The following USP34 variants were observed in gnomAD, a reference collection of about 807,000 sequenced individuals.
The protein encoded by USP34 is ubiquitin carboxyl-terminal hydrolase 34.
USP34 carries 70 observed loss-of-function variants against 460.3 expected under a neutral mutation model. That is an observed-to-expected ratio of 0.15 (90% CI 0.13 to 0.19). USP34 has a LOEUF of 0.19. USP34 is among the 10% of genes least tolerant of loss of function. The pLI, the probability that USP34 is intolerant of heterozygous loss-of-function variation, is 1.00. For synonymous variants in USP34, 1,647 were observed against 1,405.3 expected (o/e 1.17, Z -3.85); for missense variants, 3,985 against 4,236.2 (o/e 0.94, Z 1.65).
chr2:61,266,178 A>T lies in USP34; in HGVS notation c.5434-11T>A. ...ATCTCTCAAAAATTCCTGGGGAGTA[A>T]AAGGAAACATGTTATCTAAACTGAG... On this transcript the variant is annotated splice_polypyrimidine_tract_variant and intron_variant, in intron 41 of 79. Transcript: ENST00000398571. 1 of 1,602,264 alleles carries T rather than the reference A, an allele frequency of 6.2e-7. No homozygotes were observed. The highest frequency in any genetic ancestry group is 8.5e-7 in the Non-Finnish European group (1 of 1,170,934).
At chr2:61,284,384 C>T (rs965723258) in intron 35 of USP34, among the ~76,000 whole-genome samples, 1 of 152,066 alleles carries the variant, frequency 6.6e-6, no homozygotes, top group Non-Finnish European at 1.5e-5. Context: ...GAGAGAAAGG[C>T]TGAGAAAGTT....
chr2:61,209,086 T>C (rs1056410905), intron 69 of USP34, 109 bp from the exon 70 acceptor site: 2 of 553,692 alleles, frequency 3.6e-6, no homozygotes, highest in Admixed American at 3.6e-5. Flanking sequence ...TCTGCTTTCC[T>C]ACCTACAGAA....
intron 16 of USP34, 90 bp downstream of exon 16, chr2:61,343,725 A>C (rs1419813966): frequency 7.3e-7 from 1 of 1,366,140 alleles, no homozygotes; most frequent in Non-Finnish European, 1.0e-6. Context: ...TAAGTACCAT[A>C]ACCTTAACTA....
intron 48 of USP34, among the ~76,000 whole-genome samples, chr2:61,255,542 A>C (rs1289674369): frequency 6.6e-6 from 1 of 152,256 alleles, no homozygotes; most frequent in Non-Finnish European, 1.5e-5. Context: ...GGATAATAAC[A>C]GCATCTATTG....
At chr2:61,290,672 C>G (rs1187865252) in intron 33 of USP34, among the ~76,000 whole-genome samples, 1 of 151,840 alleles carries the variant, frequency 6.6e-6, no homozygotes, top group Non-Finnish European at 1.5e-5. Flanking sequence ...GACGGAACTT[C>G]TTAAGTAATG....
chr2:61,363,711 T>C (rs924766181), intron 10 of USP34, among the ~76,000 whole-genome samples: 2 of 152,174 alleles, frequency 1.3e-5, no homozygotes, highest in African/African-American at 2.4e-5. Context: ...TGACTGTATA[T>C]ACAAAATAAC....
At chr2:61,346,026 A>C (rs767585597) in intron 15 of USP34, among the ~76,000 whole-genome samples, 2 of 152,232 alleles carry the variant, frequency 1.3e-5, no homozygotes, top group African/African-American at 2.4e-5. Context: ...ATAACCAAAA[A>C]GTTTTATGCT....
Position 61,338,787 on chromosome 2 carries a change from A to T in USP34, c.2744+564T>A, listed in dbSNP as rs188527903. ...AATTCAAACAAGAGAAAAAAACACTAATCTGTTTAAAAACAAAAACCAAAA... is the reference window on the plus strand; with the variant it reads ...AATTCAAACAAGAGAAAAAAACACTTATCTGTTTAAAAACAAAAACCAAAA... On this transcript the variant is annotated intron_variant, in intron 18 of 79. Coordinates refer to ENST00000398571, the MANE Select transcript of USP34 (RefSeq NM_014709.4). Among the ~76,000 whole-genome samples, 391 of 152,322 alleles carry T rather than the reference A, an allele frequency of 2.6e-3. 2 individuals are homozygous for T. The highest frequency in any genetic ancestry group is 2.6e-3 in the Non-Finnish European group (176 of 68,020).
chr2:61,451,913 C>CA (rs1320860636), intron 1 of USP34, among the ~76,000 whole-genome samples: 6 of 152,240 alleles, frequency 3.9e-5, no homozygotes, highest in African/African-American at 1.4e-4. Flanking sequence ...CAGTGGCTCA[C>CA]GCCTGGAATC....
chr2:61,391,350 A>G (rs1693339277), intron 5 of USP34, among the ~76,000 whole-genome samples: 1 of 152,114 alleles, frequency 6.6e-6, no homozygotes, highest in South Asian at 2.1e-4. Flanking sequence ...GGAGGAAATC[A>G]TACTAGAAAA....
At chr2:61,303,462 G>T (rs538655081) in intron 27 of USP34, among the ~76,000 whole-genome samples, 1 of 152,104 alleles carries the variant, frequency 6.6e-6, no homozygotes, top group East Asian at 1.9e-4. Flanking sequence ...ATCTAATAGC[G>T]ATACCATTTT....
At chr2:61,387,708 AAT>A (rs980275205) in intron 5 of USP34, among the ~76,000 whole-genome samples, 6 of 147,968 alleles carry the variant, frequency 4.1e-5, no homozygotes, top group East Asian at 3.9e-4. Context: ...CACATGTAAA[AAT>A]ATATTTTTAC....
intron 18 of USP34, among the ~76,000 whole-genome samples, chr2:61,337,262 T>C (rs1691450546): frequency 6.6e-6 from 1 of 152,174 alleles, no homozygotes; most frequent in African/African-American, 2.4e-5. Context: ...AGATACATAA[T>C]GTTTTTGTGT....
chr2:61,416,623 T>C (rs1035233841), intron 2 of USP34, among the ~76,000 whole-genome samples: 1 of 152,226 alleles, frequency 6.6e-6, no homozygotes, highest in Non-Finnish European at 1.5e-5. Context: ...GTATCGGTGC[T>C]TGTCATACAT....
At chr2:61,443,786 C>T (rs940525408) in intron 1 of USP34, among the ~76,000 whole-genome samples, 5 of 152,076 alleles carry the variant, frequency 3.3e-5, no homozygotes, top group Admixed American at 3.3e-4. Flanking sequence ...AACAGTGAAC[C>T]CTAATGTGGA....
intron 48 of USP34, among the ~76,000 whole-genome samples, chr2:61,254,852 TTTTTTTC>T (rs1339728502): frequency 6.6e-6 from 1 of 152,184 alleles, no homozygotes; most frequent in Non-Finnish European, 1.5e-5. Context: ...GTATAGCATT[TTTTTTTC>T]TTTTTTGAGA....
At chr2:61,206,662 C>G in intron 71 of USP34, 98 bp downstream of exon 71, 1 of 1,455,424 alleles carries the variant, frequency 6.9e-7, no homozygotes, top group Non-Finnish European at 9.2e-7. Flanking sequence ...TGTGCATAAA[C>G]TAGGATAAAA....
rs140568592 is a variant in USP34 at position 61,293,556 on chromosome 2, G to A, written c.4462-6C>T. The A allele has an allele frequency of 1.6e-5, 26 of 1,609,244 alleles. No individual in the cohort carries two copies. The East Asian group carries it at 5.6e-4, about 35-fold the overall frequency. On this transcript the variant is annotated splice_region_variant and splice_polypyrimidine_tract_variant and intron_variant, in intron 32 of 79. Coordinates refer to ENST00000398571, the MANE Select transcript of USP34 (RefSeq NM_014709.4). ...AGCCCTCCAGCAGCAACAAACTGTA[G>A]GCAATTGTGAAAGTAATAGTAAGAG... is the stretch of plus-strand genomic sequence containing the variant.
At chr2:61,459,005 G>A (rs1185357204) in intron 1 of USP34, among the ~76,000 whole-genome samples, 1 of 152,136 alleles carries the variant, frequency 6.6e-6, no homozygotes, top group East Asian at 1.9e-4. Context: ...GGTGGAAGTT[G>A]CAGTGAGCCG....
Sources: allele counts gnomAD v4.1 joint callset (sites outside exome capture counted in the v4.1 genomes callset), GRCh38; gene constraint gnomAD v4.1.1; transcripts MANE v1.5; gene names NCBI Gene and HGNC (gene_info 2026-07-23, HGNC 2026-07-21).